The following BNC2 variants were observed in gnomAD, a reference collection of about 807,000 sequenced individuals.
The protein encoded by BNC2 is basonuclin zinc finger protein 2.
A neutral mutation model predicts 76.3 loss-of-function variants in BNC2; 20 were observed. That is an observed-to-expected ratio of 0.26 (90% CI 0.18 to 0.38). The LOEUF (loss-of-function observed/expected upper bound fraction) is 0.38. BNC2 is among the 10% of genes least tolerant of loss of function. BNC2 has a pLI of 1.00. For synonymous variants in BNC2, 582 were observed against 514.8 expected (o/e 1.13, Z -1.77); for missense variants, 1,382 against 1,399.8 (o/e 0.99, Z 0.20).
chr9:16,495,893 TTTTTTCTTTTTC>T (rs1008656073), intron 5 of BNC2, among the ~76,000 whole-genome samples: 7 of 150,748 alleles, frequency 4.6e-5, no homozygotes, highest in Admixed American at 1.3e-4. Context: ...TTTTGTTTTC[TTTTTTCTTTTTC>T]TTTTTCTTTT....
chr9:16,615,211 C>G (rs764784147), intron 3 of BNC2, among the ~76,000 whole-genome samples: 81 of 151,964 alleles, frequency 5.3e-4, no homozygotes, highest in Non-Finnish European at 1.1e-3. Context: ...CAATTCTGCC[C>G]CACATCTTCC....
At chr9:16,458,996 TC>T (rs1193729268) in intron 5 of BNC2, among the ~76,000 whole-genome samples, 1 of 152,172 alleles carries the variant, frequency 6.6e-6, no homozygotes, top group Non-Finnish European at 1.5e-5. Flanking sequence ...GAAAACACAT[TC>T]CTTCCCCTTC....
intron 1 of BNC2, among the ~76,000 whole-genome samples, chr9:16,809,119 C>T (rs535485531): frequency 2.6e-5 from 4 of 152,210 alleles, no homozygotes; most frequent in African/African-American, 4.8e-5. Flanking sequence ...TCAGTTGTTT[C>T]GGCTGAGGCT....
At chr9:16,628,528 T>C (rs1821064613) in intron 3 of BNC2, among the ~76,000 whole-genome samples, 1 of 152,154 alleles carries the variant, frequency 6.6e-6, no homozygotes, top group South Asian at 2.1e-4. Context: ...TGCGTATTTA[T>C]GTATCTAAAT....
At chr9:16,420,624 C>T (rs1321099714) in intron 6 of BNC2, among the ~76,000 whole-genome samples, 5 of 152,016 alleles carry the variant, frequency 3.3e-5, no homozygotes, top group Non-Finnish European at 4.4e-5. Context: ...ACTTCTTCGA[C>T]AAGCAAAACT....
chr9:16,530,895 C>T (rs1817955014), intron 5 of BNC2, among the ~76,000 whole-genome samples: 1 of 152,108 alleles, frequency 6.6e-6, no homozygotes, highest in Non-Finnish European at 1.5e-5. Flanking sequence ...CAGCAGGGCT[C>T]ACGGTGCCTG....
At chr9:16,829,263 T>C (rs1220270529) in intron 1 of BNC2, among the ~76,000 whole-genome samples, 5 of 152,242 alleles carry the variant, frequency 3.3e-5, no homozygotes, top group Non-Finnish European at 7.3e-5. Flanking sequence ...GTCTTAAATA[T>C]TAATGGCAAC....
At chr9:16,480,778 C>T (rs1346880600) in intron 5 of BNC2, among the ~76,000 whole-genome samples, 10 of 152,218 alleles carry the variant, frequency 6.6e-5, no homozygotes, top group African/African-American at 2.4e-4. Flanking sequence ...GTCCGCCATG[C>T]CTGAGCCTCC....
At chr9:16,842,780 A>C (rs887652634) in intron 1 of BNC2, among the ~76,000 whole-genome samples, 1 of 151,382 alleles carries the variant, frequency 6.6e-6, no homozygotes, top group African/African-American at 2.4e-5. Context: ...TGTTTTTTGG[A>C]GTCTCCTTCA....
intron 3 of BNC2, among the ~76,000 whole-genome samples, chr9:16,584,385 G>C (rs1336916567): frequency 6.6e-6 from 1 of 152,176 alleles, no homozygotes; most frequent in South Asian, 2.1e-4. Flanking sequence ...GAATAAGACT[G>C]AGCAGGCTTT....
chr9:16,586,905 CT>C (rs1819787760), intron 3 of BNC2, among the ~76,000 whole-genome samples: 1 of 152,158 alleles, frequency 6.6e-6, no homozygotes, highest in Non-Finnish European at 1.5e-5. Flanking sequence ...ATTATTCCTC[CT>C]CTACCAAACC....
chr9:16,506,459 T>C (rs1005931949), intron 5 of BNC2, among the ~76,000 whole-genome samples: 2 of 150,298 alleles, frequency 1.3e-5, no homozygotes, highest in Non-Finnish European at 1.5e-5. Flanking sequence ...CAAGTTGAAA[T>C]TTTATCTACC....
intron 6 of BNC2, among the ~76,000 whole-genome samples, chr9:16,428,425 T>C (rs1258291716): frequency 6.6e-6 from 1 of 152,222 alleles, no homozygotes; most frequent in African/African-American, 2.4e-5. Flanking sequence ...ATCAATGTGA[T>C]AAAGTTACTT....
At chr9:16,718,552 T>C (rs954083642) in intron 3 of BNC2, among the ~76,000 whole-genome samples, 2 of 152,186 alleles carry the variant, frequency 1.3e-5, no homozygotes, top group African/African-American at 4.8e-5. Flanking sequence ...CTGGTGTCTC[T>C]ATCCTAGCGC....
intron 3 of BNC2, among the ~76,000 whole-genome samples, chr9:16,671,679 G>C (rs1452255746): frequency 6.6e-6 from 1 of 152,136 alleles, no homozygotes; most frequent in South Asian, 2.1e-4. Flanking sequence ...AGCAGGCTCT[G>C]GTTGGCAAGT....
intron 1 of BNC2, among the ~76,000 whole-genome samples, chr9:16,847,807 C>G (rs903140854): frequency 3.3e-5 from 5 of 152,086 alleles, no homozygotes; most frequent in African/African-American, 7.2e-5. Context: ...TGAGAATCTA[C>G]GGAGCAGCAT....
intron 1 of BNC2, among the ~76,000 whole-genome samples, chr9:16,845,700 G>C (rs532515966): frequency 6.6e-6 from 1 of 152,010 alleles, no homozygotes; most frequent in Non-Finnish European, 1.5e-5. Flanking sequence ...CAGCCTGGGC[G>C]ACAAAGCAAG....
intron 3 of BNC2, among the ~76,000 whole-genome samples, chr9:16,630,132 T>C (rs1201921233): frequency 6.6e-6 from 1 of 152,244 alleles, no homozygotes; most frequent in African/African-American, 2.4e-5. Flanking sequence ...GGTATGCCTA[T>C]GTTCAAGCCT....
At chr9:16,614,833 G>A (rs1311272590) in intron 3 of BNC2, among the ~76,000 whole-genome samples, 4 of 151,948 alleles carry the variant, frequency 2.6e-5, no homozygotes, top group Admixed American at 1.3e-4. Context: ...GCACATGCCT[G>A]TGGCCCCAAC....
Sources: allele counts gnomAD v4.1 joint callset (sites outside exome capture counted in the v4.1 genomes callset), GRCh38; gene constraint gnomAD v4.1.1; transcripts MANE v1.5; gene names NCBI Gene and HGNC (gene_info 2026-07-23, HGNC 2026-07-21).